NOL4: variants seen among roughly 807,000 people sequenced by gnomAD.
NOL4 encodes nucleolar protein 4.
Under a neutral mutation model 75.9 loss-of-function variants are expected in NOL4, and 17 were observed. The observed-to-expected ratio is 0.22, with a 90% CI of 0.15 to 0.34. The LOEUF (loss-of-function observed/expected upper bound fraction) is 0.34, where lower values mean the gene tolerates loss of function less well. Among genes scored for constraint, NOL4 ranks in the 10% least tolerant of loss-of-function variants. The pLI, the probability that NOL4 is intolerant of heterozygous loss-of-function variation, is 1.00. For synonymous variants in NOL4, 292 were observed against 289.9 expected (o/e 1.01, Z -0.07); for missense variants, 614 against 793.5 (o/e 0.77, Z 2.72).
At chr18:33,907,209 G>A (rs909423435) in intron 9 of NOL4, among the ~76,000 whole-genome samples, 2 of 151,516 alleles carry the variant, frequency 1.3e-5, no homozygotes, top group African/African-American at 2.4e-5. Flanking sequence ...TGTAGTCCCA[G>A]CTGCTCAGGA....
At chr18:33,955,771 A>G (rs544870342) in intron 8 of NOL4, among the ~76,000 whole-genome samples, 7 of 152,296 alleles carry the variant, frequency 4.6e-5, no homozygotes, top group African/African-American at 7.2e-5. Context: ...TGACCTTGAC[A>G]ATACAAAAAC....
chr18:33,875,026 T>G (rs899314525), intron 10 of NOL4, among the ~76,000 whole-genome samples: 1 of 152,030 alleles, frequency 6.6e-6, no homozygotes, highest in African/African-American at 2.4e-5. Flanking sequence ...AATTTGGTCT[T>G]GATAGATTTT....
chr18:33,958,777 A>G (rs1369032818), intron 6 of NOL4, among the ~76,000 whole-genome samples: 2 of 152,156 alleles, frequency 1.3e-5, no homozygotes, highest in African/African-American at 4.8e-5. Context: ...ATTGAGTCAC[A>G]TATTCTTAGA....
chr18:34,219,239 T>C (rs2037128030), intron 1 of NOL4, among the ~76,000 whole-genome samples: 2 of 152,218 alleles, frequency 1.3e-5, no homozygotes, highest in African/African-American at 2.4e-5. Flanking sequence ...AATTTAGACC[T>C]TTGTGTCTGT....
chr18:34,010,459 C>T lies in NOL4; in HGVS notation c.1056+8859G>A, dbSNP rs188466579. ...CAACTGTGAATAGTGCTGCAATAAA[C>T]ATGGATGTACAGCTAGCTCTTTGAT... On this transcript the variant is annotated intron_variant, in intron 6 of 10. Transcript: ENST00000261592. 5.1e-3 allele frequency among the ~76,000 whole-genome samples: 768 copies of T among 151,962 alleles called. 4 individuals carry two copies. The highest frequency in any genetic ancestry group is 8.3e-3 in the Non-Finnish European group (560 of 67,870).
At chr18:33,933,940 G>A (rs985990485) in intron 9 of NOL4, among the ~76,000 whole-genome samples, 1 of 152,068 alleles carries the variant, frequency 6.6e-6, no homozygotes, top group Non-Finnish European at 1.5e-5. Flanking sequence ...TAATCCATCA[G>A]AGGAATCACT....
At chr18:33,880,693 T>C (rs980069320) in intron 10 of NOL4, among the ~76,000 whole-genome samples, 3 of 152,086 alleles carry the variant, frequency 2.0e-5, no homozygotes, top group Non-Finnish European at 2.9e-5. Flanking sequence ...GTTGGAGAAA[T>C]TCCTGGCCCC....
At chr18:33,944,005 G>C (rs556746868) in intron 8 of NOL4, among the ~76,000 whole-genome samples, 18 of 150,654 alleles carry the variant, frequency 1.2e-4, no homozygotes, top group African/African-American at 4.1e-4. Flanking sequence ...TCATCCAACT[G>C]AAAGATGAAA....
intron 1 of NOL4, among the ~76,000 whole-genome samples, chr18:34,179,403 T>C (rs1410206199): frequency 6.6e-6 from 1 of 150,912 alleles, no homozygotes; most frequent in Admixed American, 6.6e-5. Context: ...CAGAGAATAA[T>C]CAATAAGACC....
chr18:33,864,017 C>T (rs1214402872), intron 10 of NOL4, among the ~76,000 whole-genome samples: 1 of 152,180 alleles, frequency 6.6e-6, no homozygotes, highest in Admixed American at 6.5e-5. Flanking sequence ...AATGGCTGAA[C>T]CTTTACCTTG....
chr18:34,213,542 C>A (rs1264281797), intron 1 of NOL4, among the ~76,000 whole-genome samples: 1 of 152,196 alleles, frequency 6.6e-6, no homozygotes, highest in African/African-American at 2.4e-5. Flanking sequence ...CCCGCCTCAG[C>A]CTCCCAAAGT....
At chr18:34,085,713 A>G (rs2078211495) in intron 5 of NOL4, among the ~76,000 whole-genome samples, 2 of 152,222 alleles carry the variant, frequency 1.3e-5, no homozygotes, top group African/African-American at 4.8e-5. Context: ...TCTTAAATGT[A>G]AAAAGTAAAT....
chr18:34,166,506 C>G (rs889610501), intron 1 of NOL4, among the ~76,000 whole-genome samples: 7 of 151,994 alleles, frequency 4.6e-5, no homozygotes, highest in African/African-American at 1.7e-4. Flanking sequence ...CCCAAAGTCC[C>G]ATTATCAAAG....
intron 1 of NOL4, among the ~76,000 whole-genome samples, chr18:34,184,578 T>C (rs1448682450): frequency 1.3e-5 from 2 of 152,054 alleles, no homozygotes; most frequent in African/African-American, 2.4e-5. Context: ...GTGTTGATAC[T>C]AGTTTGATGG....
chr18:34,087,051 A>T (rs2078277260), intron 5 of NOL4, among the ~76,000 whole-genome samples: 1 of 152,084 alleles, frequency 6.6e-6, no homozygotes, highest in East Asian at 1.9e-4. Flanking sequence ...CTTTAGACCT[A>T]TTGCCATTTT....
At chr18:34,064,716 T>C (rs189510452) in intron 5 of NOL4, among the ~76,000 whole-genome samples, 1 of 152,042 alleles carries the variant, frequency 6.6e-6, no homozygotes, top group Admixed American at 6.6e-5. Context: ...AGTTGTATTA[T>C]AGCAATGTAA....
intron 5 of NOL4, among the ~76,000 whole-genome samples, chr18:34,042,506 T>C (rs2076183267): frequency 6.6e-6 from 1 of 151,998 alleles, no homozygotes; most frequent in Non-Finnish European, 1.5e-5. Context: ...TTAAGTAAAG[T>C]GTAGGAGAGG....
intron 2 of NOL4, among the ~76,000 whole-genome samples, chr18:34,108,566 T>C (rs1332720781): frequency 1.3e-5 from 2 of 152,104 alleles, no homozygotes; most frequent in East Asian, 1.9e-4. Context: ...TCAAACATAA[T>C]AGGGTGCTTG....
At chr18:34,052,558 A>G (rs771690324) in intron 5 of NOL4, among the ~76,000 whole-genome samples, 2 of 152,116 alleles carry the variant, frequency 1.3e-5, no homozygotes, top group Non-Finnish European at 2.9e-5. Context: ...AAATCTACAA[A>G]TCTATTCCCA....
Sources: allele counts gnomAD v4.1 joint callset (sites outside exome capture counted in the v4.1 genomes callset), GRCh38; gene constraint gnomAD v4.1.1; transcripts MANE v1.5; gene names NCBI Gene and HGNC (gene_info 2026-07-23, HGNC 2026-07-21).